Variants in L1TD1 observed in about 807,000 individuals in gnomAD.
L1TD1 encodes LINE1 type transposase domain containing 1, also known as LINE-1 type transposase domain-containing protein 1.
In L1TD1, 26 loss-of-function variants were observed where a neutral mutation model predicts 25.7. The ratio of observed to expected loss-of-function variants is 1.01; its 90% confidence interval spans 0.74 to 1.40. L1TD1 has a LOEUF of 1.40. Ranked by LOEUF, L1TD1 falls within the 40% of genes most tolerant of loss-of-function variation. The pLI, the probability that L1TD1 is intolerant of heterozygous loss-of-function variation, is 0.00. For missense variants in L1TD1, 1,130 were observed against 975.0 expected (o/e 1.16, Z -2.12); for synonymous variants, 421 against 335.6 (o/e 1.25, Z -2.78).
chr1:62,196,720 G>C (rs41289436), intron 2 of L1TD1, among the ~76,000 whole-genome samples, 192 bp downstream of exon 2: 4,790 of 152,202 alleles, frequency 0.031, 101 homozygotes, highest in African/African-American at 0.067. Context: ...AGCCTCCCAA[G>C]TAGCTGGGAT....
At position 62,212,261 on chromosome 1, in the gene L1TD1, T is replaced by C. The variant is rs569152109; in HGVS notation, c.*889T>C. 6 of 152,100 alleles carry C rather than the reference T, an allele frequency of 3.9e-5. No homozygotes were observed. Among genetic ancestry groups the C allele is most frequent in the South Asian group, 2.1e-4 (1 of 4,808 alleles). The allele number at this position is 152,100 out of a possible 1,614,324, so 9.4% of individuals were successfully genotyped here. A position where few individuals can be genotyped will look rare whatever the true frequency, so the allele number is the denominator to read the frequency against. Reference sequence around the variant, plus strand: ...AAAAAAATACAAAAAGAGGAAGAAATGATATTTCACAAGTTTGTATCATTT... The same window carrying C: ...AAAAAAATACAAAAAGAGGAAGAAACGATATTTCACAAGTTTGTATCATTT... On this transcript the variant is annotated 3_prime_UTR_variant, in exon 4 of 4. Transcript: ENST00000498273.
rs532291407 is a variant in L1TD1, at chr1:62,207,572, A to G, written c.944A>G (p.Asp315Gly). ...QKSSVKELLK[D>G]VLPQKEEINQ... is the part of the protein sequence containing the mutation. ...TCTTCTGTGAAAGAATTACTGAAAGATGTACTCCCACAAAAGGAAGAAATA... is the reference window on the plus strand; with the variant it reads ...TCTTCTGTGAAAGAATTACTGAAAGGTGTACTCCCACAAAAGGAAGAAATA... The change falls in exon 3 of 4, where the codon GAT becomes GGT. Residue 315 changes from aspartate (D) to glycine (G), a missense_variant. Asp to Gly is a moderately conservative substitution (Grantham distance 94). Transcript: ENST00000498273. 197 of 1,548,892 alleles carry G rather than the reference A, an allele frequency of 1.3e-4. No homozygotes were observed. Among genetic ancestry groups the G allele is most frequent in the Non-Finnish European group, 1.7e-4 (191 of 1,146,372 alleles).
intron 3 of L1TD1, among the ~76,000 whole-genome samples, chr1:62,209,187 G>A (rs1670810090): frequency 6.6e-6 from 1 of 152,092 alleles, no homozygotes; most frequent in Admixed American, 6.6e-5. Context: ...TGTGGCAATC[G>A]GGCCAGGGTT....
chr1:62,209,569 C>T (rs576737399), intron 3 of L1TD1, among the ~76,000 whole-genome samples: 78 of 152,156 alleles, frequency 5.1e-4, no homozygotes, highest in African/African-American at 1.8e-3. Flanking sequence ...CAAGATTACA[C>T]AAGAAATGAC....
At position 62,207,223 on chromosome 1, in the gene L1TD1, A is replaced by T. The variant is rs1335710912; in HGVS notation, c.595A>T (p.Ser199Cys). 1.9e-6 allele frequency: 3 copies of T among 1,551,586 alleles called. No homozygotes were observed. In the African/African-American group the frequency reaches 4.1e-5, roughly 21 times the overall value. Reference sequence around the variant, plus strand: ...CCATTTAGAATTTACAGAAAGAGAGAGTAGGAAGGATGGAGAGGATGAATT... The same window carrying T: ...CCATTTAGAATTTACAGAAAGAGAGTGTAGGAAGGATGGAGAGGATGAATT... ...NVHLEFTERE[S>C]RKDGEDEFVK... is the part of the protein sequence containing the mutation. The change falls in exon 3 of 4, where the codon AGT (serine) becomes TGT (cysteine). Residue 199 changes from serine (S) to cysteine (C), a missense_variant. Ser to Cys is a moderately radical substitution (Grantham distance 112, BLOSUM62 -1). Coordinates refer to ENST00000498273, the MANE Select transcript of L1TD1 (RefSeq NM_019079.5).
At chr1:62,203,853 G>T (rs1411982539) in intron 2 of L1TD1, among the ~76,000 whole-genome samples, 1 of 152,160 alleles carries the variant, frequency 6.6e-6, no homozygotes, top group Non-Finnish European at 1.5e-5. Context: ...CCAGAGTGTT[G>T]GGATTACAGG....
intron 2 of L1TD1, among the ~76,000 whole-genome samples, chr1:62,205,439 A>ATTTTTTTTTTTTTTTTTTTTTTT (rs1297750882): frequency 1.1e-4 from 5 of 44,218 alleles, no homozygotes; most frequent in Admixed American, 3.2e-4. Flanking sequence ...ATATATATAT[A>ATTTTTTTTTTTTTTTTTTTTTTT]TATATTTTTT....
In L1TD1 at chr1:62,197,396, A is replaced by ATT. The variant is rs1376945855; in HGVS notation, c.-111+869_-111+870dup. Among the ~76,000 whole-genome samples the ATT allele has an allele frequency of 8.9e-4, 29 of 32,754 alleles. No individual in the cohort carries two copies. In the East Asian group the frequency reaches 0.027, roughly 31 times the overall value. The allele number at this position is 32,754 out of a possible 152,430, so 21.5% of individuals were successfully genotyped here. On this transcript the variant is annotated intron_variant, in intron 2 of 3. Transcript: ENST00000498273. ...TGAGACGCCCTCTCAAAAAAAATAAATTATATATATATATATATATATATA... is the reference window on the plus strand; with the variant it reads ...TGAGACGCCCTCTCAAAAAAAATAAATTTTATATATATATATATATATATATA...
Position 62,210,156 on chromosome 1 carries a change from C to G in L1TD1, c.1382C>G (p.Thr461Ser). The change falls in exon 4 of 4, where the codon ACC becomes AGC. Residue 461 changes from threonine to serine, a missense_variant. Physicochemically the swap from Thr to Ser is moderately conservative, Grantham distance 58. Coordinates refer to ENST00000498273, the MANE Select transcript of L1TD1 (RefSeq NM_019079.5). ...GATGCAAAGCATGAAGTTGAGATAA[C>G]CAGTGATGGCATGGAAACTACTTTC... ...LVDAKHEVEITSDGMETTFID... is the reference protein window; with the variant it reads ...LVDAKHEVEISSDGMETTFID... 1 of 1,613,992 alleles carries G rather than the reference C, an allele frequency of 6.2e-7. No individual in the cohort carries two copies. Among genetic ancestry groups the G allele is most frequent in the Non-Finnish European group, 8.5e-7 (1 of 1,180,020 alleles).
chr1:62,197,397 T>TTATATATATATA (rs10528649), intron 2 of L1TD1, among the ~76,000 whole-genome samples: 1,303 of 79,848 alleles, frequency 0.016, 31 homozygotes, highest in East Asian at 0.027. Context: ...AAAAAATAAA[T>TTATATATATATA]TATATATATA....
At position 62,206,510 on chromosome 1, in the gene L1TD1, G is replaced by A. The variant is rs1670747364; in HGVS notation, c.-110-9G>A. 1.9e-6 allele frequency: 2 copies of A among 1,027,288 alleles called. No individual in the cohort carries two copies. Among genetic ancestry groups the A allele is most frequent in the East Asian group, 2.9e-5 (1 of 34,842 alleles). 63.6% of individuals were successfully genotyped at this position (1,027,288 alleles called of 1,614,324 possible). A position where few individuals can be genotyped will look rare whatever the true frequency, so the allele number is the denominator to read the frequency against. ...TTAGTAAGTAATTTTTCATTTTTTT[G>A]TATTTCAGATTGACGTATTTTAAGA... On this transcript the variant is annotated splice_polypyrimidine_tract_variant and intron_variant, in intron 2 of 3. Transcript: ENST00000498273.
At chr1:62,200,404 CAGA>C (rs1328791780) in intron 2 of L1TD1, among the ~76,000 whole-genome samples, 1 of 151,310 alleles carries the variant, frequency 6.6e-6, no homozygotes. Flanking sequence ...CACCTGACCT[CAGA>C]TGATCCGCCT....
Position 62,207,645 on chromosome 1 carries a change from A to C in L1TD1, c.1008+9A>C. 1 of 1,516,838 alleles carries C rather than the reference A, an allele frequency of 6.6e-7. No individual in the cohort carries two copies. The highest frequency in any genetic ancestry group is 8.8e-7 in the Non-Finnish European group (1 of 1,133,128). 94.0% of individuals were successfully genotyped at this position (1,516,838 alleles called of 1,614,324 possible). A position where few individuals can be genotyped will look rare whatever the true frequency, so the allele number is the denominator to read the frequency against. The stretch of plus-strand genomic sequence containing the variant: ...GAATTCAAGAAAAAAGGGTAAGCAT[A>C]CAAATGTATAAATGTATAAAGCTTA... On this transcript the variant is annotated intron_variant, in intron 3 of 3. Coordinates refer to ENST00000498273, the MANE Select transcript of L1TD1 (RefSeq NM_019079.5).
At position 62,209,754 on chromosome 1, in the gene L1TD1, C is replaced by CTT. The variant is rs143484043; in HGVS notation, c.1009-22_1009-21dup. On this transcript the variant is annotated intron_variant, in intron 3 of 3. Transcript: ENST00000498273. ...AGACAAATGATTTAAACAAATAACT[C>CTT]TTTTTTTTCTTCTTTGTTTAACTTT... 1,038 of 1,412,780 alleles carry CTT rather than the reference C, an allele frequency of 7.3e-4. 2 individuals are homozygous for CTT. Among genetic ancestry groups the CTT allele is most frequent in the Non-Finnish European group, 8.7e-4 (916 of 1,048,218 alleles). The allele number at this position is 1,412,780 out of a possible 1,614,324, so 87.5% of individuals were successfully genotyped here. A position where few individuals can be genotyped will look rare whatever the true frequency, so the allele number is the denominator to read the frequency against.
chr1:62,211,214 C>G lies in L1TD1; in HGVS notation c.2440C>G (p.Leu814Val). The change falls in exon 4 of 4, where the codon CTG (leucine) becomes GTG (valine). Residue 814 changes from leucine to valine, a missense_variant. Leu to Val is a conservative substitution (Grantham distance 32, BLOSUM62 1). Transcript: ENST00000498273. ...RSKWSNVFKV[L>V]LEKGFNPRIL... Reference sequence around the variant, plus strand: ...TAAATGGAGCAATGTCTTCAAAGTTCTGCTGGAAAAAGGCTTTAATCCTAG... The same window carrying G: ...TAAATGGAGCAATGTCTTCAAAGTTGTGCTGGAAAAAGGCTTTAATCCTAG... 6.4e-7 allele frequency: 1 copy of G among 1,556,848 alleles called. No homozygotes were observed. The highest frequency in any genetic ancestry group is 8.7e-7 in the Non-Finnish European group (1 of 1,149,646).
intron 1 of L1TD1, among the ~76,000 whole-genome samples, 151 bp from the exon 2 acceptor site, chr1:62,196,284 C>G (rs961529226): frequency 6.6e-6 from 1 of 152,190 alleles, no homozygotes; most frequent in Non-Finnish European, 1.5e-5. Flanking sequence ...CCTCTCCCGA[C>G]TTACACCCCA....
At chr1:62,207,808 G>A (rs930230377) in intron 3 of L1TD1, among the ~76,000 whole-genome samples, 172 bp downstream of exon 3, 4 of 152,152 alleles carry the variant, frequency 2.6e-5, no homozygotes, top group Admixed American at 6.5e-5. Context: ...TGCCTCCCAG[G>A]TTCAAGTGAT....
chr1:62,209,637 GA>G (rs1306056137), intron 3 of L1TD1, 145 bp from the exon 4 acceptor site: 1 of 726,570 alleles, frequency 1.4e-6, no homozygotes, highest in Non-Finnish European at 2.1e-6. Context: ...AGGCCTTCAA[GA>G]ACAATTAATA....
chr1:62,205,822 T>C (rs1670734532), intron 2 of L1TD1, among the ~76,000 whole-genome samples: 1 of 152,064 alleles, frequency 6.6e-6, no homozygotes, highest in South Asian at 2.1e-4. Flanking sequence ...GTCTTAACTT[T>C]CCAGGCTCAA....
Sources: allele counts gnomAD v4.1 joint callset (sites outside exome capture counted in the v4.1 genomes callset), GRCh38; gene constraint gnomAD v4.1.1; transcripts MANE v1.5; gene names NCBI Gene and HGNC (gene_info 2026-07-23, HGNC 2026-07-21).